INVS: variants seen among roughly 807,000 people sequenced by gnomAD.
INVS encodes the protein inversin, also known as inversion of embryo turning homolog.
A neutral mutation model predicts 108.8 loss-of-function variants in INVS; 86 were observed. The ratio of observed to expected loss-of-function variants is 0.79; its 90% CI spans 0.66 to 0.95. INVS has a LOEUF of 0.95. Among genes scored for constraint, INVS ranks in the 40% least tolerant of loss-of-function variants. INVS has a pLI of 0.00. For synonymous variants in INVS, 455 were observed against 473.5 expected (o/e 0.96, Z 0.51); for missense variants, 1,169 against 1,297.4 (o/e 0.90, Z 1.52).
chr9:100,175,468 T>G, intron 3 of INVS: 1 of 853,922 alleles, frequency 1.2e-6, no homozygotes. Flanking sequence ...CTGTGTGTAC[T>G]CAGTGATAGA....
chr9:100,119,957 ATTTTCT>A (rs1259445315), intron 2 of INVS, among the ~76,000 whole-genome samples: 1 of 152,188 alleles, frequency 6.6e-6, no homozygotes, highest in Non-Finnish European at 1.5e-5. Flanking sequence ...GCATGTTGGA[ATTTTCT>A]TTTAATATAA....
chr9:100,100,144 G>T (rs889644779), intron 1 of INVS, among the ~76,000 whole-genome samples: 1 of 151,902 alleles, frequency 6.6e-6, no homozygotes, highest in Non-Finnish European at 1.5e-5. Flanking sequence ...TGACACCTTT[G>T]CATTTTATAG....
chr9:100,104,663 C>T (rs747137743), intron 2 of INVS, 36 bp downstream of exon 2: 2 of 1,388,668 alleles, frequency 1.4e-6, no homozygotes, highest in Admixed American at 1.7e-5. Flanking sequence ...ACTTTAAAAG[C>T]AACTGTTTGT....
intron 8 of INVS, among the ~76,000 whole-genome samples, chr9:100,250,541 T>C (rs1290213691): frequency 9.5e-6 from 1 of 104,852 alleles, no homozygotes; most frequent in Admixed American, 8.3e-5. Context: ...TAAGAATTAC[T>C]AGAGGTGTTT....
chr9:100,131,891 A>G (rs1828065513), intron 3 of INVS: 5 of 977,774 alleles, frequency 5.1e-6, no homozygotes, highest in Non-Finnish European at 6.1e-6. Context: ...CGCTGTTTCC[A>G]TGTTACTGAT....
intron 3 of INVS, among the ~76,000 whole-genome samples, chr9:100,132,245 GAATGA>G (rs1828076516): frequency 6.6e-6 from 1 of 152,008 alleles, no homozygotes; most frequent in Non-Finnish European, 1.5e-5. Flanking sequence ...ATGAATGAAT[GAATGA>G]ATGAATGAAT....
intron 3 of INVS, among the ~76,000 whole-genome samples, chr9:100,210,877 A>G (rs1830810655): frequency 6.6e-6 from 1 of 151,940 alleles, no homozygotes; most frequent in Admixed American, 6.6e-5. Context: ...AGAAATTCTG[A>G]TTTTGTTGAT....
At chr9:100,297,716 C>T (rs1355609535) in intron 15 of INVS, among the ~76,000 whole-genome samples, 2 of 152,202 alleles carry the variant, frequency 1.3e-5, no homozygotes, top group Non-Finnish European at 2.9e-5. Flanking sequence ...AAAAGATAAG[C>T]AAGAGCACCT....
rs573458341 is a variant in INVS, at chr9:100,139,289, A to G, written c.273+12740A>G. On this transcript the variant is annotated intron_variant, in intron 3 of 16. Transcript: ENST00000262457. ...CTGGACTTTGATACTGCAGTAACTT[A>G]TTTTTCTGCTACTCCTTTGATAGTT... Among the ~76,000 whole-genome samples the G allele has an allele frequency of 3.3e-5, 5 of 152,102 alleles. No homozygotes were observed. In the East Asian group the frequency reaches 5.8e-4, roughly 18 times the overall value.
Position 100,240,151 on chromosome 9 carries a change from T to C in INVS, c.707T>C (p.Val236Ala), listed in dbSNP as rs754369982. ...HFAVADGNVT[V>A]VDVLTSYESC... ...GCAGTTGCTGATGGGAATGTGACCG[T>C]GGTTGATGTCTTGACCTCATATGAA... Residue 236 changes from valine to alanine, a missense_variant, in exon 6 of 17, where the codon GTG becomes GCG. By Grantham distance (64) the Val-to-Ala change is moderately conservative. Transcript: ENST00000262457. 20 of 1,614,018 alleles carry C rather than the reference T, an allele frequency of 1.2e-5. No individual in the cohort carries two copies. The highest frequency in any genetic ancestry group is 1.7e-5 in the Non-Finnish European group (20 of 1,179,868).
intron 7 of INVS, among the ~76,000 whole-genome samples, chr9:100,245,970 G>A (rs1461008077): frequency 6.6e-6 from 1 of 152,038 alleles, no homozygotes; most frequent in East Asian, 1.9e-4. Context: ...TTCAAGACCA[G>A]CTTTGCCAAC....
chr9:100,137,347 T>A (rs1164678051), intron 3 of INVS, among the ~76,000 whole-genome samples: 1 of 152,140 alleles, frequency 6.6e-6, no homozygotes, highest in Non-Finnish European at 1.5e-5. Flanking sequence ...CTAACACCCT[T>A]GGTTCCATTA....
At chr9:100,267,294 A>C (rs1206901600) in intron 11 of INVS, among the ~76,000 whole-genome samples, 2 of 152,224 alleles carry the variant, frequency 1.3e-5, no homozygotes, top group Non-Finnish European at 2.9e-5. Flanking sequence ...AATCCTCCTA[A>C]CTTTACTTGC....
chr9:100,297,233 T>A, intron 15 of INVS, 87 bp downstream of exon 15: 1 of 1,044,208 alleles, frequency 9.6e-7, no homozygotes, highest in Non-Finnish European at 1.5e-6. Flanking sequence ...TTACATTGGG[T>A]AAACTTCCAT....
At chr9:100,104,669 T>G (rs781207037) in intron 2 of INVS, 42 bp downstream of exon 2, 1 of 1,345,394 alleles carries the variant, frequency 7.4e-7, no homozygotes, top group Admixed American at 1.7e-5. Flanking sequence ...AAAGCAACTG[T>G]TTGTCCTGAG....
chr9:100,248,443 G>A (rs1468650357), intron 8 of INVS, among the ~76,000 whole-genome samples: 1 of 150,716 alleles, frequency 6.6e-6, no homozygotes, highest in East Asian at 1.9e-4. Flanking sequence ...TTCTGTGAAA[G>A]TGAGTTCCTC....
chr9:100,264,895 C>T lies in INVS; in HGVS notation c.1538C>T (p.Ala513Val). 2 of 1,611,292 alleles carry T rather than the reference C, an allele frequency of 1.2e-6. No individual in the cohort carries two copies. The highest frequency in any genetic ancestry group is 8.5e-7 in the Non-Finnish European group (1 of 1,178,522). The part of the protein sequence containing the change: ...DAIKLLLDFA[A>V]FPNQMENNEE... Reference sequence around the variant, plus strand: ...ATTAAATTACTGCTAGACTTTGCTGCTTTCCCTAATCAGATGGAAAACAAT... The same window carrying T: ...ATTAAATTACTGCTAGACTTTGCTGTTTTCCCTAATCAGATGGAAAACAAT... The change falls in exon 11 of 17, where the codon GCT (alanine) becomes GTT (valine). Residue 513 changes from alanine to valine, a missense_variant. By Grantham distance (64) the Ala-to-Val change is moderately conservative (BLOSUM62 0). Around this residue, in one of 3 missense-constraint regions of INVS, gnomAD observed 271 missense variants for 363.8 expected, o/e 0.74. Transcript: ENST00000262457.
intron 11 of INVS, among the ~76,000 whole-genome samples, chr9:100,272,663 C>T (rs1418450341): frequency 6.6e-6 from 1 of 152,102 alleles, no homozygotes; most frequent in African/African-American, 2.4e-5. Flanking sequence ...AAGCACCTGA[C>T]CCACAGTCAT....
rs148537670 is a variant in INVS, at chr9:100,237,267, A to C, written c.616-2793A>C. ...CTGCTGTGCTGGCAGCGAGAATTTC[A>C]AGCTAGTGGATCTTAGCTTTCTGGG... On this transcript the variant is annotated intron_variant, in intron 5 of 16. Coordinates refer to ENST00000262457, the MANE Select transcript of INVS (RefSeq NM_014425.5). 8.7e-3 allele frequency among the ~76,000 whole-genome samples: 1,328 copies of C among 152,198 alleles called. 18 individuals carry two copies. The highest frequency in any genetic ancestry group is 0.03 in the African/African-American group (1,263 of 41,514).
Sources: gnomAD v4.1 joint callset for allele counts (sites outside exome capture counted in the v4.1 genomes callset) on GRCh38, gnomAD v4.1.1 for gene constraint, gnomAD v4.1.1 regional missense constraint, MANE v1.5 for transcripts, NCBI Gene and HGNC (gene_info 2026-07-23, HGNC 2026-07-21) for gene names.